NXPE2: variants seen among roughly 807,000 people sequenced by gnomAD.
NXPE2 encodes neurexophilin and PC-esterase domain family member 2.
NXPE2 carries 34 observed loss-of-function variants against 34.4 expected under a neutral mutation model. The observed-to-expected ratio is 0.99, with a 90% CI of 0.75 to 1.31. The LOEUF is 1.31. Ranked by LOEUF, NXPE2 falls within the 40% of genes most tolerant of loss-of-function variation. The probability of loss-of-function intolerance (pLI) is 0.00; values close to 1 mark genes in which losing one functional copy is unlikely to be tolerated. For missense variants in NXPE2, 649 were observed against 672.5 expected (o/e 0.97, Z 0.39); for synonymous variants, 235 against 231.3 (o/e 1.02, Z -0.15).
chr11:114,709,027 G>A (rs1178417809), downstream of NXPE2, among the ~76,000 whole-genome samples: 1 of 152,156 alleles, frequency 6.6e-6, no homozygotes, highest in Admixed American at 6.5e-5. Context: ...TAATTTAAAT[G>A]TGATCCATTA....
the NXPE2 span, chr11:114,570,838 G>T: frequency 4.0e-6 from 3 of 748,308 alleles, no homozygotes; most frequent in Non-Finnish European, 6.5e-6. Flanking sequence ...CTCTGCTCTT[G>T]CTAGTTGGGA....
the NXPE2 span, among the ~76,000 whole-genome samples, chr11:114,560,910 G>C: frequency 6.6e-6 from 1 of 152,106 alleles, no homozygotes; most frequent in African/African-American, 2.4e-5. Context: ...TTCTCTTAGC[G>C]ATACGGATTT....
the NXPE2 span, chr11:114,583,132 C>T: frequency 1.6e-6 from 2 of 1,212,228 alleles, no homozygotes; most frequent in Admixed American, 4.6e-5. Context: ...GTCATTTTTA[C>T]TTATTGTGAT....
At chr11:114,698,870 G>A in intron 3 of NXPE2, 92 bp downstream of exon 3, 1 of 1,212,798 alleles carries the variant, frequency 8.2e-7, no homozygotes, top group Non-Finnish European at 1.1e-6. Context: ...TTTGTATCAT[G>A]TCAATTATGT....
At chr11:114,574,541 A>G in the NXPE2 span, among the ~76,000 whole-genome samples, 20 of 152,262 alleles carry the variant, frequency 1.3e-4, 1 homozygote, top group East Asian at 2.5e-3. Context: ...CCACAGAAAT[A>G]TGAAAGATTA....
chr11:114,628,722 C>T, the NXPE2 span, among the ~76,000 whole-genome samples: 5 of 150,510 alleles, frequency 3.3e-5, no homozygotes, highest in African/African-American at 4.9e-5. Context: ...AAAAAATTAA[C>T]GAATCCAGGA....
At chr11:114,793,462 A>G in the NXPE2 span, among the ~76,000 whole-genome samples, 1 of 152,042 alleles carries the variant, frequency 6.6e-6, no homozygotes, top group African/African-American at 2.4e-5. Context: ...TTAGTAAGCT[A>G]TTTATTGTTT....
chr11:114,552,881 C>G, the NXPE2 span: 4 of 978,234 alleles, frequency 4.1e-6, no homozygotes, highest in Non-Finnish European at 4.9e-6. Flanking sequence ...ACAGAATGCA[C>G]TGAAAATAAG....
chr11:114,684,320 G>A (rs1040911653), intron 2 of NXPE2, among the ~76,000 whole-genome samples: 20 of 152,010 alleles, frequency 1.3e-4, no homozygotes, highest in Middle Eastern at 3.4e-3. Context: ...CCAGCTACTC[G>A]GGAGTCTGAG....
At chr11:114,631,120 T>C in the NXPE2 span, among the ~76,000 whole-genome samples, 944 of 151,782 alleles carry the variant, frequency 6.2e-3, 5 homozygotes, top group African/African-American at 0.018. Context: ...GTGTGGCGAT[T>C]CTCAGGGATC....
chr11:114,651,800 G>A, the NXPE2 span, among the ~76,000 whole-genome samples: 1 of 152,174 alleles, frequency 6.6e-6, no homozygotes, highest in African/African-American at 2.4e-5. Context: ...GCTAGACACA[G>A]AGTGCTGATT....
chr11:114,494,673 C>A, the NXPE2 span, among the ~76,000 whole-genome samples: 1 of 152,122 alleles, frequency 6.6e-6, no homozygotes, highest in Non-Finnish European at 1.5e-5. Context: ...TGAAAGGTCG[C>A]GTATCTCTTC....
the NXPE2 span, chr11:114,527,978 G>A: frequency 4.6e-6 from 5 of 1,096,986 alleles, no homozygotes; most frequent in Non-Finnish European, 6.6e-6. Flanking sequence ...GCTTGTGAGT[G>A]AAGGAAAATT....
the NXPE2 span, among the ~76,000 whole-genome samples, chr11:114,630,795 A>G: frequency 6.6e-6 from 1 of 151,970 alleles, no homozygotes; most frequent in Non-Finnish European, 1.5e-5. Context: ...GTTAATATCC[A>G]GAATCTACAA....
Position 114,706,571 on chromosome 11 carries a change from G to C in NXPE2, c.1321G>C (p.Asp441His). The change falls in exon 6 of 6, where the codon GAC becomes CAC. Residue 441 changes from aspartate (D) to histidine (H), a missense_variant. Physicochemically the swap from Asp to His is moderately conservative, Grantham distance 81. Transcript: ENST00000389586. Reference sequence around the variant, plus strand: ...ACGGGAAATTGACCAGGTAGCAGGAGACAAAAACACAGCCATTGTCATTAC... The same window carrying C: ...ACGGGAAATTGACCAGGTAGCAGGACACAAAAACACAGCCATTGTCATTAC... ...IPREIDQVAG[D>H]KNTAIVITLG... is the part of the protein sequence containing the mutation. 34 of 1,551,804 alleles carry C rather than the reference G, an allele frequency of 2.2e-5. No individual in the cohort carries two copies. Among genetic ancestry groups the C allele is most frequent in the Non-Finnish European group, 3.0e-5 (34 of 1,146,996 alleles).
chr11:114,522,257 C>T, the NXPE2 span: 34 of 1,613,780 alleles, frequency 2.1e-5, no homozygotes, highest in African/African-American at 6.7e-5. Flanking sequence ...GATGGCCCTG[C>T]GAATAAAAAT....
chr11:114,788,290 C>A, the NXPE2 span, among the ~76,000 whole-genome samples: 1 of 152,154 alleles, frequency 6.6e-6, no homozygotes, highest in Non-Finnish European at 1.5e-5. Context: ...AGGAGAGGAC[C>A]AGCCATGTGG....
the NXPE2 span, among the ~76,000 whole-genome samples, chr11:114,766,663 G>A: frequency 6.6e-6 from 1 of 151,126 alleles, no homozygotes; most frequent in Non-Finnish European, 1.5e-5. Context: ...TAGCCTTTAA[G>A]ACTTTATTCA....
chr11:114,487,022 A>G, the NXPE2 span, among the ~76,000 whole-genome samples: 1 of 151,512 alleles, frequency 6.6e-6, no homozygotes, highest in African/African-American at 2.4e-5. Context: ...TTTTTTTTCT[A>G]TTTCTGTGAA....
Sources: allele counts gnomAD v4.1 joint callset (sites outside exome capture counted in the v4.1 genomes callset), GRCh38; gene constraint gnomAD v4.1.1; transcripts MANE v1.5; gene names NCBI Gene and HGNC (gene_info 2026-07-23, HGNC 2026-07-21).